The following TRHDE variants were observed in gnomAD, a reference collection of about 807,000 sequenced individuals.
TRHDE encodes thyrotropin-releasing hormone-degrading ectoenzyme.
A neutral mutation model predicts 125.7 loss-of-function variants in TRHDE; 72 were observed. The observed-to-expected ratio is 0.57, with a 90% CI of 0.47 to 0.70. The LOEUF is 0.70. TRHDE is among the 30% of genes least tolerant of loss of function. The probability of loss-of-function intolerance (pLI) is 0.00; values close to 1 mark genes in which losing one functional copy is unlikely to be tolerated. For missense variants in TRHDE, 1,110 were observed against 1,327.1 expected (o/e 0.84, Z 2.54); for synonymous variants, 509 against 509.1 (o/e 1.00, Z 0.00).
At chr12:72,614,328 A>ATTTT (rs373295780) in intron 12 of TRHDE, among the ~76,000 whole-genome samples, 1 of 104,610 alleles carries the variant, frequency 9.6e-6, no homozygotes, top group South Asian at 2.6e-4. Flanking sequence ...ATATATATAT[A>ATTTT]TATTTTTTTT....
chr12:72,090,998 T>G (rs1006102194), intron 1 of TRHDE, among the ~76,000 whole-genome samples: 1 of 152,052 alleles, frequency 6.6e-6, no homozygotes, highest in African/African-American at 2.4e-5. Context: ...GCCTCCTGAG[T>G]AGCTGGAACT....
chr12:72,186,491 A>G (rs1592474965), intron 2 of TRHDE: 2 of 165,854 alleles, frequency 1.2e-5, no homozygotes, highest in Non-Finnish European at 2.5e-5. Flanking sequence ...TCTGAACATC[A>G]GAAGGGGCAG....
intron 2 of TRHDE, among the ~76,000 whole-genome samples, chr12:72,329,583 G>A (rs1006060617): frequency 5.9e-5 from 9 of 152,080 alleles, no homozygotes; most frequent in African/African-American, 2.2e-4. Flanking sequence ...TGGTTTCTGA[G>A]GACATTTATA....
At chr12:72,543,038 G>A (rs1869232072) in intron 7 of TRHDE, among the ~76,000 whole-genome samples, 1 of 151,240 alleles carries the variant, frequency 6.6e-6, no homozygotes, top group Non-Finnish European at 1.5e-5. Flanking sequence ...AGCTGTGATT[G>A]ATGAATTATT....
At chr12:72,267,480 T>C (rs1057201072), upstream of TRHDE, among the ~76,000 whole-genome samples, 6 of 152,080 alleles carry the variant, frequency 3.9e-5, no homozygotes, top group Non-Finnish European at 7.4e-5. Context: ...TTGTTCTAGC[T>C]TGGTATAAAC....
In TRHDE at chr12:72,669,810, T is replaced by C. The variant is rs1047320749; in HGVS notation, c.*6615T>C. 2.0e-5 allele frequency: 3 copies of C among 151,854 alleles called. No individual in the cohort carries two copies. Among genetic ancestry groups the C allele is most frequent in the African/African-American group, 7.2e-5 (3 of 41,420 alleles). The allele number at this position is 151,854 out of a possible 1,614,324, so 9.4% of individuals were successfully genotyped here. A position where few individuals can be genotyped will look rare whatever the true frequency, so the allele number is the denominator to read the frequency against. ...TAACAGCAATTCCACATTATCCTTT[T>C]GAATGCTACCTATATATTGCCACAT... On this transcript the variant is annotated 3_prime_UTR_variant, in exon 19 of 19. Coordinates refer to ENST00000261180, the MANE Select transcript of TRHDE (RefSeq NM_013381.3).
intron 5 of TRHDE, among the ~76,000 whole-genome samples, chr12:72,473,998 G>A (rs186300536): frequency 9.9e-5 from 15 of 151,914 alleles, no homozygotes; most frequent in African/African-American, 3.1e-4. Flanking sequence ...TAGCGTAGGC[G>A]ATTATGTATA....
intron 3 of TRHDE, among the ~76,000 whole-genome samples, chr12:72,468,170 T>C (rs935334381): frequency 6.6e-6 from 1 of 152,244 alleles, no homozygotes; most frequent in Non-Finnish European, 1.5e-5. Context: ...TCTATGCACG[T>C]GTTCATGTAT....
rs1284877436 is a variant in TRHDE at position 72,590,225 on chromosome 12, A to G, written c.2321+14683A>G. Among the ~76,000 whole-genome samples, 4 of 152,012 alleles carry G rather than the reference A, an allele frequency of 2.6e-5. 1 individual carries two copies. Among genetic ancestry groups the G allele is most frequent in the Non-Finnish European group, 5.9e-5 (4 of 67,944 alleles). ...AACAATTCCATTGTGGTTAGAGAAC[A>G]TACTCTATATGATTTCAAACTTTAT... On this transcript the variant is annotated intron_variant, in intron 12 of 18. Transcript: ENST00000261180.
At chr12:72,490,334 T>G (rs913870953) in intron 5 of TRHDE, among the ~76,000 whole-genome samples, 1 of 151,748 alleles carries the variant, frequency 6.6e-6, no homozygotes, top group African/African-American at 2.4e-5. Flanking sequence ...AGATAACCAA[T>G]GTTGGAAAAG....
At chr12:72,542,406 T>C in intron 7 of TRHDE, 50 bp downstream of exon 7, 1 of 1,498,080 alleles carries the variant, frequency 6.7e-7, no homozygotes, top group Non-Finnish European at 9.2e-7. Context: ...TGTCAATATA[T>C]TTCACAGCTT....
In TRHDE at chr12:72,659,177, C is replaced by T. The variant is rs147616506; in HGVS notation, c.3066+2169C>T. Among the ~76,000 whole-genome samples, 344 of 152,270 alleles carry T rather than the reference C, an allele frequency of 2.3e-3. 2 individuals carry two copies. Among genetic ancestry groups the T allele is most frequent in the Middle Eastern group, 0.014 (4 of 294 alleles). On this transcript the variant is annotated intron_variant, in intron 18 of 18. Transcript: ENST00000261180. ...CAGCTTTAGGTGGATTCAGTAAAGA[C>T]GCTTACATTGTTCCATGGTTTTCTC...
chr12:72,319,164 C>T (rs1868955719), intron 2 of TRHDE, among the ~76,000 whole-genome samples: 1 of 152,158 alleles, frequency 6.6e-6, no homozygotes, highest in Non-Finnish European at 1.5e-5. Flanking sequence ...GTCCAGCTGA[C>T]TGCTGATGAC....
In TRHDE at chr12:72,273,030, G is replaced by C. The variant is rs772109422; in HGVS notation, c.387G>C (p.Pro129=). ...CCGACGGTGGCCCCTCAGGCTTTCC[G>C]GAGCGCGGCGGCAACGGGAGCCTCC... ...PGADGGPSGF[P]ERGGNGSLPG... is the part of the protein sequence containing the mutation. Residue 129 remains proline (P), a synonymous_variant, in exon 1 of 19, where the codon CCG becomes CCC. Transcript: ENST00000261180. The surrounding 1 kb of genome is among the most constrained non-coding windows in gnomAD (Gnocchi z 5.3). 5 of 1,537,714 alleles carry C rather than the reference G, an allele frequency of 3.3e-6. No individual in the cohort carries two copies. The highest frequency in any genetic ancestry group is 4.4e-6 in the Non-Finnish European group (5 of 1,147,072).
At chr12:72,393,869 G>C (rs1336464561) in intron 3 of TRHDE, among the ~76,000 whole-genome samples, 1 of 152,030 alleles carries the variant, frequency 6.6e-6, no homozygotes, top group Non-Finnish European at 1.5e-5. Flanking sequence ...CTATTAATAA[G>C]TCTTATTTCT....
chr12:72,658,043 C>T (rs949415348), intron 18 of TRHDE, among the ~76,000 whole-genome samples: 2 of 152,214 alleles, frequency 1.3e-5, no homozygotes, highest in South Asian at 2.1e-4. Flanking sequence ...ATGATTATCC[C>T]GTGTGCACTA....
At chr12:72,128,908 C>G (rs1031209609) in intron 2 of TRHDE, among the ~76,000 whole-genome samples, 3 of 151,862 alleles carry the variant, frequency 2.0e-5, no homozygotes, top group African/African-American at 7.3e-5. Context: ...TTTAATGTAC[C>G]CTATAAACCC....
At chr12:72,297,852 G>A (rs1880360982) in intron 2 of TRHDE, among the ~76,000 whole-genome samples, 1 of 152,172 alleles carries the variant, frequency 6.6e-6, no homozygotes, top group South Asian at 2.1e-4. Flanking sequence ...TACTTATGCG[G>A]CAGACGGAAT....
intron 12 of TRHDE, among the ~76,000 whole-genome samples, chr12:72,615,755 A>T (rs1463178017): frequency 6.6e-6 from 1 of 152,096 alleles, no homozygotes; most frequent in East Asian, 1.9e-4. Flanking sequence ...TGACCCCAAA[A>T]CACATTTGGA....
Sources: allele counts gnomAD v4.1 joint callset (sites outside exome capture counted in the v4.1 genomes callset), GRCh38; gene constraint gnomAD v4.1.1; non-coding constraint Gnocchi (gnomAD v3.1); transcripts MANE v1.5; gene names NCBI Gene and HGNC (gene_info 2026-07-23, HGNC 2026-07-21).